The following ANKRD39 variants were observed in gnomAD, a reference collection of about 807,000 sequenced individuals.
The protein encoded by ANKRD39 is ankyrin repeat domain 39.
A neutral mutation model predicts 20.3 loss-of-function variants in ANKRD39; 18 were observed. The observed-to-expected ratio is 0.89, with a 90% confidence interval of 0.61 to 1.32. The LOEUF (loss-of-function observed/expected upper bound fraction) is 1.32, where lower values mean the gene tolerates loss of function less well. ANKRD39 is among the 40% of genes most tolerant of loss of function. The pLI is 0.00. For synonymous variants in ANKRD39, 106 were observed against 111.9 expected (o/e 0.95, Z 0.33); for missense variants, 243 against 250.7 (o/e 0.97, Z 0.21).
chr2:96,850,909 A>T (rs965174159), intron 3 of ANKRD39, among the ~76,000 whole-genome samples: 1 of 152,184 alleles, frequency 6.6e-6, no homozygotes, highest in African/African-American at 2.4e-5. Context: ...ATTGGCAATG[A>T]TTTCTTTAAA....
At chr2:96,848,565 G>A (rs773843058) in intron 3 of ANKRD39, 121 bp from the exon 4 acceptor site, 90 of 1,303,474 alleles carry the variant, frequency 6.9e-5, no homozygotes, top group Non-Finnish European at 3.5e-5. Flanking sequence ...AGTGGCTCAC[G>A]CCTGTAATCT....
chr2:96,852,579 C>G (rs552406598), intron 3 of ANKRD39, among the ~76,000 whole-genome samples: 12 of 149,802 alleles, frequency 8.0e-5, no homozygotes, highest in Non-Finnish European at 1.5e-4. Flanking sequence ...CACAATAACT[C>G]ATGGACCTGG....
intron 2 of ANKRD39, 22 bp downstream of exon 2, chr2:96,854,316 C>A (rs903708013): frequency 1.2e-6 from 2 of 1,611,170 alleles, no homozygotes; most frequent in Non-Finnish European, 8.5e-7. Context: ...GTCTCCTGAC[C>A]CTGTGCTCCT....
intron 3 of ANKRD39, 35 bp from the exon 4 acceptor site, chr2:96,848,479 C>A (rs565095610): frequency 5.0e-6 from 8 of 1,611,496 alleles, no homozygotes; most frequent in Middle Eastern, 1.7e-4. Context: ...AAGGGCATAC[C>A]CCCCCACTGG....
chr2:96,848,582 T>G (rs1180795476), intron 3 of ANKRD39, 138 bp from the exon 4 acceptor site: 21 of 1,131,894 alleles, frequency 1.9e-5, no homozygotes, highest in Non-Finnish European at 2.5e-5. Context: ...ATCTCAGCAC[T>G]TTGGGAGGCC....
intron 3 of ANKRD39, among the ~76,000 whole-genome samples, chr2:96,848,838 C>CATGGAAAT: frequency 6.6e-6 from 1 of 152,148 alleles, no homozygotes; most frequent in African/African-American, 2.4e-5. Context: ...AAAGAGGCCT[C>CATGGAAAT]ATGGAAATAG....
chr2:96,856,012 A>AAC (rs1553486064), intron 1 of ANKRD39, among the ~76,000 whole-genome samples: 1 of 118,764 alleles, frequency 8.4e-6, no homozygotes, highest in Non-Finnish European at 2.1e-5. Flanking sequence ...CAACAACAAC[A>AAC]AAGAGTTACT....
At position 96,854,406 on chromosome 2, in the gene ANKRD39, G is replaced by A. The variant is rs933774377; in HGVS notation, c.136C>T (p.Arg46Ter). 18 of 1,614,152 alleles carry A rather than the reference G, an allele frequency of 1.1e-5. No individual in the cohort carries two copies. The highest frequency in any genetic ancestry group is 1.0e-4 in the Admixed American group (6 of 60,016). Residue 46 changes from arginine (R) to a stop codon, truncating the protein, a stop_gained, in exon 2 of 4, where the codon CGA becomes TGA. Coordinates refer to ENST00000393537, the MANE Select transcript of ANKRD39 (RefSeq NM_016466.6). LOFTEE classifies it high-confidence loss of function. ...GCCTTCTGGATTAAATGCTTCACTC[G>A]GCCCAGGTCTCCATTCAGGGCTGCC... is the stretch of plus-strand genomic sequence containing the variant. ...WSAALNGDLG[R>*]VKHLIQKAED...
At chr2:96,857,831 G>A (rs2079873306) in intron 1 of ANKRD39, 57 bp downstream of exon 1, 13 of 1,506,006 alleles carry the variant, frequency 8.6e-6, no homozygotes, top group South Asian at 1.2e-5. Flanking sequence ...TTGGCCCCAC[G>A]CCTCCTCCTT....
At chr2:96,857,258 G>C (rs1244503961) in intron 1 of ANKRD39, among the ~76,000 whole-genome samples, 1 of 152,212 alleles carries the variant, frequency 6.6e-6, no homozygotes, top group African/African-American at 2.4e-5. Context: ...CGCAAGGGCA[G>C]ATGACACAGC....
At chr2:96,854,569 G>T in intron 1 of ANKRD39, 128 bp from the exon 2 acceptor site, 1 of 872,930 alleles carries the variant, frequency 1.1e-6, no homozygotes, top group Non-Finnish European at 1.8e-6. Context: ...TATCAACCGA[G>T]CACCTCCTCT....
At chr2:96,850,694 A>G (rs1055684478) in intron 3 of ANKRD39, among the ~76,000 whole-genome samples, 15 of 151,924 alleles carry the variant, frequency 9.9e-5, no homozygotes, top group Non-Finnish European at 2.1e-4. Context: ...AAAAAAAAAC[A>G]AAAACATACA....
At chr2:96,854,611 T>C (rs2079854401) in intron 1 of ANKRD39, among the ~76,000 whole-genome samples, 170 bp from the exon 2 acceptor site, 1 of 152,204 alleles carries the variant, frequency 6.6e-6, no homozygotes, top group Non-Finnish European at 1.5e-5. Context: ...GCTGGTGACT[T>C]AGCTGTGAAC....
At chr2:96,852,088 G>C (rs111443314) in intron 3 of ANKRD39, among the ~76,000 whole-genome samples, 1,571 of 152,218 alleles carry the variant, frequency 0.01, 7 homozygotes, top group Non-Finnish European at 0.016. Flanking sequence ...GCATGCACCT[G>C]TAGTCCCAGC....
In ANKRD39 at chr2:96,857,894, C is replaced by G; in HGVS notation, c.94G>C (p.Glu32Gln). ...VQQTLEEMDF[E>Q]RGIWSAALNG... is the part of the protein sequence containing the mutation. ...GGCCGCGCGGCAGCCTCACCCCTCTCGAAGTCCATCTCCTCCAGCGTCTGC... is the reference window on the plus strand; with the variant it reads ...GGCCGCGCGGCAGCCTCACCCCTCTGGAAGTCCATCTCCTCCAGCGTCTGC... Residue 32 changes from glutamate (E) to glutamine (Q), a missense_variant, in exon 1 of 4, where the codon GAG becomes CAG. Transcript: ENST00000393537. The G allele has an allele frequency of 6.3e-7, 1 of 1,580,118 alleles. No homozygotes were observed. The highest frequency in any genetic ancestry group is 8.6e-7 in the Non-Finnish European group (1 of 1,169,536).
intron 1 of ANKRD39, among the ~76,000 whole-genome samples, chr2:96,855,810 T>C (rs1398722631): frequency 6.6e-6 from 1 of 151,606 alleles, no homozygotes; most frequent in Non-Finnish European, 1.5e-5. Flanking sequence ...ACCTCATCTC[T>C]ACTAAAAATA....
intron 1 of ANKRD39, among the ~76,000 whole-genome samples, chr2:96,857,398 G>A (rs1340113715): frequency 6.6e-6 from 1 of 152,204 alleles, no homozygotes; most frequent in Non-Finnish European, 1.5e-5. Context: ...GAGATACTGT[G>A]CCCTGCCTCG....
intron 1 of ANKRD39, among the ~76,000 whole-genome samples, chr2:96,856,331 G>A (rs539937065): frequency 3.9e-5 from 6 of 152,076 alleles, no homozygotes; most frequent in African/African-American, 7.2e-5. Flanking sequence ...AAAACTAGCC[G>A]GGCGTCGTGG....
Position 96,854,341 on chromosome 2 carries a change from C to T in ANKRD39, c.201G>A (p.Ala67=), listed in dbSNP as rs201207589. 14 of 1,613,912 alleles carry T rather than the reference C, an allele frequency of 8.7e-6. No individual in the cohort carries two copies. The East Asian group carries it at 1.1e-4, about 13-fold the overall frequency. The stretch of plus-strand genomic sequence containing the variant: ...CCTGTGCTCCTCCCTAGCTCACCAG[C>T]GCAGTGTAGCCGGCCGAGTCGGGCT... ...PSQPDSAGYT[A]LHYASRNGHY... is the part of the protein sequence containing the mutation. Residue 67 remains alanine (A), a synonymous_variant, in exon 2 of 4, where the codon GCG becomes GCA. Coordinates refer to ENST00000393537, the MANE Select transcript of ANKRD39 (RefSeq NM_016466.6).
Sources: allele counts gnomAD v4.1 joint callset (sites outside exome capture counted in the v4.1 genomes callset), GRCh38; gene constraint gnomAD v4.1.1; transcripts MANE v1.5; gene names NCBI Gene and HGNC (gene_info 2026-07-23, HGNC 2026-07-21).